Variants in CTPS2 observed in about 807,000 individuals in gnomAD.
The protein encoded by CTPS2 is CTP synthase II.
CTPS2 carries 19 observed loss-of-function variants against 46.8 expected under a neutral mutation model. That is an observed-to-expected ratio of 0.41 (90% CI 0.28 to 0.60). CTPS2 has a LOEUF of 0.60. Among genes scored for constraint, CTPS2 ranks in the 20% least tolerant of loss-of-function variants. CTPS2 has a pLI of 0.35. For missense variants in CTPS2, 286 were observed against 447.6 expected, an observed-to-expected ratio of 0.64 and a Z score of 3.26; for synonymous variants, 151 against 165.2, an observed-to-expected ratio of 0.91 and a Z score of 0.66.
chrX:16,709,617 A>G (rs887718586), intron 1 of CTPS2, among the ~76,000 whole-genome samples: 4 of 110,578 alleles, frequency 3.6e-5, no homozygotes, highest in Non-Finnish European at 5.7e-5. Flanking sequence ...TTGGGAGGCC[A>G]AGGCGGGCGG....
chrX:16,674,143 G>A (rs1313184168), intron 10 of CTPS2, among the ~76,000 whole-genome samples: 1 of 103,472 alleles, frequency 9.7e-6, no homozygotes, highest in African/African-American at 3.7e-5. Flanking sequence ...TAGATTAAAA[G>A]GTTAAAGGAT....
At chrX:16,659,133 T>C (rs1322358612) in intron 13 of CTPS2, among the ~76,000 whole-genome samples, 1 of 112,332 alleles carries the variant, frequency 8.9e-6, no homozygotes, top group East Asian at 2.8e-4. Context: ...ATCTAGCTCA[T>C]GCTAGCTTCT....
chrX:16,686,455 C>A lies in CTPS2; in HGVS notation c.872+2995G>T, dbSNP rs139547193. ...TTGTCCCCAAAACCTGTGAATGTGACCTTGTTTGGAAAAAGGGTCTTTGCA... is the reference window on the plus strand; with the variant it reads ...TTGTCCCCAAAACCTGTGAATGTGAACTTGTTTGGAAAAAGGGTCTTTGCA... On this transcript the variant is annotated intron_variant, in intron 8 of 18. Transcript: ENST00000359276. 3.0e-3 allele frequency among the ~76,000 whole-genome samples: 338 copies of A among 111,731 alleles called. 1 individual carries two copies. The highest frequency in any genetic ancestry group is 0.01 in the African/African-American group (315 of 30,831).
intron 13 of CTPS2, among the ~76,000 whole-genome samples, chrX:16,658,007 A>G (rs757664623): frequency 8.1e-5 from 9 of 111,488 alleles, no homozygotes; most frequent in Non-Finnish European, 1.7e-4. Flanking sequence ...ATAGTTCAAG[A>G]CTAGCCTGGG....
Position 16,620,058 on chromosome X carries a change from G to A in CTPS2, c.1449+219C>T, listed in dbSNP as rs978979665. ...GCAGGTACATAAAGATTTTGCCTTT[G>A]GAAAGCCAAAAACATGAGAGCCTCC... On this transcript the variant is annotated intron_variant, in intron 15 of 18. Transcript: ENST00000359276. Among the ~76,000 whole-genome samples the A allele has an allele frequency of 2.7e-5, 3 of 110,998 alleles. No individual in the cohort carries two copies. In the South Asian group the frequency reaches 1.2e-3, roughly 43 times the overall value.
chrX:16,616,735 C>T (rs1216769101), intron 16 of CTPS2, among the ~76,000 whole-genome samples: 1 of 111,977 alleles, frequency 8.9e-6, no homozygotes, highest in Non-Finnish European at 1.9e-5. Flanking sequence ...CACTCTGTCA[C>T]CCAGGCTGGA....
intron 13 of CTPS2, among the ~76,000 whole-genome samples, chrX:16,649,284 G>A (rs981306059): frequency 1.1e-4 from 12 of 112,226 alleles, no homozygotes; most frequent in African/African-American, 3.9e-4. Context: ...CTGAAAAAAT[G>A]ACCATGTTAC....
chrX:16,672,310 C>A (rs1921816132), intron 10 of CTPS2, among the ~76,000 whole-genome samples: 1 of 111,544 alleles, frequency 9.0e-6, no homozygotes. Context: ...AAGATCCCTT[C>A]ACGACCGACA....
intron 10 of CTPS2, among the ~76,000 whole-genome samples, chrX:16,676,033 G>A (rs1181352454): frequency 8.9e-6 from 1 of 112,048 alleles, no homozygotes; most frequent in Non-Finnish European, 1.9e-5. Flanking sequence ...GAGCATATTT[G>A]TTTCTCTCTA....
intron 14 of CTPS2, among the ~76,000 whole-genome samples, chrX:16,637,866 A>G (rs944766270): frequency 8.9e-6 from 1 of 112,447 alleles, no homozygotes; most frequent in Non-Finnish European, 1.9e-5. Flanking sequence ...CATTCTGGCT[A>G]GGAAGCTTTC....
chrX:16,623,297 T>C (rs1453471312), intron 14 of CTPS2, among the ~76,000 whole-genome samples: 1 of 111,691 alleles, frequency 9.0e-6, no homozygotes, highest in Non-Finnish European at 1.9e-5. Context: ...TATTTTTAAA[T>C]GTACAATTAA....
intron 13 of CTPS2, among the ~76,000 whole-genome samples, chrX:16,653,315 G>T (rs1194720659): frequency 1.8e-5 from 2 of 111,559 alleles, no homozygotes; most frequent in African/African-American, 3.2e-5. Context: ...GCCTGCACAC[G>T]ATCTCACACG....
chrX:16,664,281 A>G (rs1418971739), intron 13 of CTPS2, among the ~76,000 whole-genome samples: 1 of 112,414 alleles, frequency 8.9e-6, no homozygotes, highest in Non-Finnish European at 1.9e-5. Flanking sequence ...AAGAAAACCC[A>G]TAGTTTTCCT....
At chrX:16,687,491 AAAAG>A (rs1159690024) in intron 8 of CTPS2, among the ~76,000 whole-genome samples, 2 of 107,975 alleles carry the variant, frequency 1.9e-5, no homozygotes, top group Non-Finnish European at 1.9e-5. Context: ...AAAAAAAAAA[AAAAG>A]AAAGAAAAGA....
chrX:16,702,884 T>A lies in CTPS2; in HGVS notation c.19A>T (p.Thr7Ser), dbSNP rs1417055959. The A allele has an allele frequency of 8.3e-7, 1 of 1,208,789 alleles. No individual in the cohort carries two copies. The change falls in exon 2 of 19, where the codon ACG becomes TCG. Residue 7 changes from threonine to serine, a missense_variant. Coordinates refer to ENST00000359276, the MANE Select transcript of CTPS2 (RefSeq NM_175859.3). ...CCAATGCCTGAGATGACCCCACCCG[T>A]GACCAGGATGTACTTCATTGGCAGA... MKYILV[T>S]GGVISGIGKG...
At chrX:16,616,999 G>T in intron 16 of CTPS2, 151 bp downstream of exon 16, 1 of 437,189 alleles carries the variant, frequency 2.3e-6, no homozygotes, top group South Asian at 3.8e-5. Flanking sequence ...CCAGCCAGCA[G>T]TCTGTTTTTT....
chrX:16,671,536 CAG>C (rs1921753764), intron 10 of CTPS2, among the ~76,000 whole-genome samples: 2 of 66,479 alleles, frequency 3.0e-5, no homozygotes, highest in Admixed American at 4.9e-4. Flanking sequence ...TTTTTTGAGA[CAG>C]AGTCTTGCTC....
At chrX:16,673,047 C>A (rs6629167) in intron 10 of CTPS2, among the ~76,000 whole-genome samples, 3 of 104,543 alleles carry the variant, frequency 2.9e-5, no homozygotes, top group Non-Finnish European at 5.9e-5. Flanking sequence ...CCACTACGCC[C>A]GGCTAATTTT....
At chrX:16,643,836 C>A (rs1258757041) in intron 13 of CTPS2, among the ~76,000 whole-genome samples, 1 of 110,645 alleles carries the variant, frequency 9.0e-6, no homozygotes, top group Non-Finnish European at 1.9e-5. Context: ...CACCTCCACT[C>A]TCCTACCCAC....
Sources: allele counts gnomAD v4.1 joint callset (sites outside exome capture counted in the v4.1 genomes callset), GRCh38; gene constraint gnomAD v4.1.1; transcripts MANE v1.5; gene names NCBI Gene and HGNC (gene_info 2026-07-23, HGNC 2026-07-21).